The following PHF14 variants were observed in gnomAD, a reference collection of about 807,000 sequenced individuals.
PHF14 encodes PHD finger protein 14.
Under a neutral mutation model 117.9 loss-of-function variants are expected in PHF14, and 55 were observed. That is an observed-to-expected ratio of 0.47 (90% CI 0.38 to 0.58). The LOEUF is 0.58. PHF14 is among the 20% of genes least tolerant of loss of function. The probability of loss-of-function intolerance (pLI) is 0.00; values close to 1 mark genes in which losing one functional copy is unlikely to be tolerated. For synonymous variants in PHF14, 409 were observed against 368.6 expected, an observed-to-expected ratio of 1.11 and a Z score of -1.26; for missense variants, 978 against 1,122.2, an observed-to-expected ratio of 0.87 and a Z score of 1.84.
At chr7:11,168,857 A>G (rs554133438) in intron 17 of PHF14, among the ~76,000 whole-genome samples, 38 of 152,248 alleles carry the variant, frequency 2.5e-4, no homozygotes, top group African/African-American at 9.1e-4. Context: ...TCTATTCACC[A>G]TGTTCCACAG....
intron 5 of PHF14, among the ~76,000 whole-genome samples, chr7:11,014,156 G>A (rs763698956): frequency 1.9e-4 from 29 of 152,102 alleles, no homozygotes; most frequent in Non-Finnish European, 3.2e-4. Flanking sequence ...GATGAGGCAG[G>A]TGGTAACGTT....
At chr7:11,006,582 A>C (rs747429125) in intron 4 of PHF14, 2 of 603,214 alleles carry the variant, frequency 3.3e-6, no homozygotes, top group Non-Finnish European at 6.3e-6. Context: ...CTCAGTGAAC[A>C]CAAGCATGTT....
At chr7:11,164,875 C>T (rs1438769354) in intron 17 of PHF14, among the ~76,000 whole-genome samples, 1 of 152,172 alleles carries the variant, frequency 6.6e-6, no homozygotes, top group Non-Finnish European at 1.5e-5. Context: ...ATCATGTCCC[C>T]ATAGTCTCCT....
In PHF14 at chr7:11,063,768, C is replaced by T. The variant is rs943753664; in HGVS notation, c.2654+1683C>T. The stretch of plus-strand genomic sequence containing the variant: ...GATTTCCAACCCATCATATTTTAGT[C>T]GTTTAATAAAAAAAGTGCCATCTTC... On this transcript the variant is annotated intron_variant, in intron 16 of 17. Coordinates refer to ENST00000634607, the MANE Select transcript of PHF14 (RefSeq NM_001007157.2). 14 of 738,166 alleles carry T rather than the reference C, an allele frequency of 1.9e-5. No individual in the cohort carries two copies. The East Asian group carries it at 3.9e-4, about 21-fold the overall frequency. 45.7% of individuals were successfully genotyped at this position (738,166 alleles called of 1,614,324 possible).
chr7:11,004,950 G>A (rs891274038), intron 4 of PHF14, among the ~76,000 whole-genome samples: 1 of 151,966 alleles, frequency 6.6e-6, no homozygotes, highest in African/African-American at 2.4e-5. Flanking sequence ...CTGGGAGGCG[G>A]AGGTTACAGT....
intron 16 of PHF14, among the ~76,000 whole-genome samples, chr7:11,074,937 CTTTTT>C (rs751367742): frequency 2.3e-5 from 3 of 132,428 alleles, no homozygotes; most frequent in African/African-American, 2.8e-5. Context: ...TTTCAGATAT[CTTTTT>C]TTTTTTTTTT....
At chr7:11,161,486 G>A (rs989199824) in intron 17 of PHF14, among the ~76,000 whole-genome samples, 5 of 151,568 alleles carry the variant, frequency 3.3e-5, no homozygotes, top group East Asian at 1.9e-4. Context: ...AGTCATTTAC[G>A]TCTCTGAAAA....
chr7:11,106,599 C>T (rs1250321164), intron 16 of PHF14: 1 of 983,708 alleles, frequency 1.0e-6, no homozygotes, highest in African/African-American at 1.8e-5. Context: ...GTATTTTCTC[C>T]ATCTGTTAAG....
At chr7:10,988,906 A>T (rs1163525846) in intron 3 of PHF14, among the ~76,000 whole-genome samples, 1 of 152,166 alleles carries the variant, frequency 6.6e-6, no homozygotes, top group African/African-American at 2.4e-5. Context: ...AGAGGTGAGA[A>T]AGAAACTTAG....
chr7:11,047,254 G>C (rs982934077), intron 13 of PHF14, among the ~76,000 whole-genome samples: 1 of 151,860 alleles, frequency 6.6e-6, no homozygotes, highest in African/African-American at 2.4e-5. Context: ...ATTTTTAGTA[G>C]AGATGGGGTT....
intron 17 of PHF14, among the ~76,000 whole-genome samples, chr7:11,129,049 A>C (rs1202560297): frequency 3.3e-5 from 5 of 152,016 alleles, no homozygotes; most frequent in Non-Finnish European, 7.4e-5. Context: ...TTTCTGTCAT[A>C]CTTTCTTAAA....
chr7:11,101,356 G>C (rs1327652254), intron 16 of PHF14, among the ~76,000 whole-genome samples: 1 of 151,612 alleles, frequency 6.6e-6, no homozygotes, highest in African/African-American at 2.4e-5. Flanking sequence ...AAATGATTTG[G>C]TTGCTTCCTC....
intron 16 of PHF14, chr7:11,102,978 C>G: frequency 1.0e-6 from 1 of 998,524 alleles, no homozygotes; most frequent in Non-Finnish European, 1.2e-6. Flanking sequence ...TTGAACAATA[C>G]AAATAACAAA....
intron 17 of PHF14, among the ~76,000 whole-genome samples, chr7:11,159,802 TTA>T (rs1170242920): frequency 6.6e-6 from 1 of 152,180 alleles, no homozygotes; most frequent in Non-Finnish European, 1.5e-5. Flanking sequence ...GAAAGGCAAT[TTA>T]TAGAAAGAAA....
At chr7:10,991,454 C>T (rs147174105) in intron 4 of PHF14, among the ~76,000 whole-genome samples, 2,965 of 152,124 alleles carry the variant, frequency 0.019, 39 homozygotes, top group Middle Eastern at 0.041. Flanking sequence ...GGATTACAGG[C>T]GTGAACTACC....
intron 17 of PHF14, among the ~76,000 whole-genome samples, chr7:11,132,392 C>A (rs975179899): frequency 6.6e-6 from 1 of 150,550 alleles, no homozygotes; most frequent in Non-Finnish European, 1.5e-5. Context: ...GTCTTGTGTC[C>A]TCCAGGTCCA....
chr7:11,035,750 G>A lies in PHF14; in HGVS notation c.1566G>A (p.Leu522=). 1 of 1,609,060 alleles carries A rather than the reference G, an allele frequency of 6.2e-7. No individual in the cohort carries two copies. Among genetic ancestry groups the A allele is most frequent in the Non-Finnish European group, 8.5e-7 (1 of 1,176,898 alleles). The stretch of plus-strand genomic sequence containing the variant: ...TACAGTCCTATTGTAAAATGTCTTT[G>A]CAAGAGAGAGAGAAGCAACTATCAC... The part of the protein sequence containing the change: ...LALQSYCKMS[L]QEREKQLSPE... The change falls in exon 8 of 18, where the codon TTG becomes TTA. Residue 522 remains leucine, a synonymous_variant. Coordinates refer to ENST00000634607, the MANE Select transcript of PHF14 (RefSeq NM_001007157.2).
At chr7:11,036,397 T>C in intron 8 of PHF14, 21 bp from the exon 9 acceptor site, 1 of 1,554,470 alleles carries the variant, frequency 6.4e-7, no homozygotes, top group Non-Finnish European at 8.7e-7. Flanking sequence ...CTTTTAAAAT[T>C]TGAATACATT....
intron 16 of PHF14, among the ~76,000 whole-genome samples, chr7:11,074,729 G>A (rs947021193): frequency 6.6e-6 from 1 of 152,098 alleles, no homozygotes; most frequent in African/African-American, 2.4e-5. Context: ...CTTTACTCCA[G>A]TTCCCAATAA....
Sources: gnomAD v4.1 joint callset for allele counts (sites outside exome capture counted in the v4.1 genomes callset) on GRCh38, gnomAD v4.1.1 for gene constraint, MANE v1.5 for transcripts, NCBI Gene and HGNC (gene_info 2026-07-23, HGNC 2026-07-21) for gene names.